Variants in WNK2 observed in about 807,000 individuals in gnomAD.
The protein encoded by WNK2 is serine/threonine-protein kinase WNK2.
A neutral mutation model predicts 192.1 loss-of-function variants in WNK2; 67 were observed. The observed-to-expected ratio is 0.35, with a 90% confidence interval of 0.29 to 0.43. The LOEUF (loss-of-function observed/expected upper bound fraction) is 0.43. Among genes scored for constraint, WNK2 ranks in the 20% least tolerant of loss-of-function variants. The pLI is 1.00. For missense variants in WNK2, 2,698 were observed against 3,089.7 expected, an observed-to-expected ratio of 0.87 and a Z score of 3.01; for synonymous variants, 1,439 against 1,393.9, an observed-to-expected ratio of 1.03 and a Z score of -0.72.
At chr9:93,188,844 A>G (rs986210365) in intron 2 of WNK2, among the ~76,000 whole-genome samples, 7 of 152,124 alleles carry the variant, frequency 4.6e-5, no homozygotes, top group Non-Finnish European at 8.8e-5. Flanking sequence ...AGGCCACAAT[A>G]CAGCAACGGG....
rs1178205761 is a variant in WNK2 at position 93,298,113 on chromosome 9, C to T, written c.5923+46C>T. 3.2e-6 allele frequency: 5 copies of T among 1,538,856 alleles called. No homozygotes were observed. The Admixed American group carries it at 5.9e-5, about 18-fold the overall frequency. The stretch of plus-strand genomic sequence containing the variant: ...CTGGGATGGGAGCGGGGCTGGGGAC[C>T]CCCGAGTGAGCCTGGGAGGTAGGCT... On this transcript the variant is annotated intron_variant, in intron 24 of 29. Coordinates refer to ENST00000427277, the MANE Select transcript of WNK2 (RefSeq NM_006648.4).
chr9:93,217,580 G>T (rs192574986), intron 2 of WNK2, among the ~76,000 whole-genome samples: 1 of 152,316 alleles, frequency 6.6e-6, no homozygotes, highest in African/African-American at 2.4e-5. Context: ...TGGGATTGGG[G>T]TGCAGATGTG....
rs765357256 is a variant in WNK2 at position 93,185,369 on chromosome 9, C to A, written c.440C>A (p.Ala147Glu). 13 of 1,574,176 alleles carry A rather than the reference C, an allele frequency of 8.3e-6. No individual in the cohort carries two copies. The South Asian group carries it at 1.4e-4, about 17-fold the overall frequency. Residue 147 changes from alanine to glutamate, a missense_variant, in exon 2 of 30, where the codon GCG becomes GAG. Transcript: ENST00000427277. ...CCCGACGGCGGCCCCAGGGAGGAGGCGGCGGCGACCGTGAGGAAGGAGGAT... is the reference window on the plus strand; with the variant it reads ...CCCGACGGCGGCCCCAGGGAGGAGGAGGCGGCGACCGTGAGGAAGGAGGAT... ...PAPDGGPREEAAATVRKEDEG... is the reference protein window; with the variant it reads ...PAPDGGPREEEAATVRKEDEG...
Position 93,229,791 on chromosome 9 carries a change from C to CT in WNK2, c.779dup (p.Trp261LeufsTer67). 1 of 1,613,992 alleles carries CT rather than the reference C, an allele frequency of 6.2e-7. No homozygotes were observed. Among genetic ancestry groups the CT allele is most frequent in the Non-Finnish European group, 8.5e-7 (1 of 1,179,890 alleles). On this transcript the variant is annotated frameshift_variant, in exon 3 of 30. Coordinates refer to ENST00000427277, the MANE Select transcript of WNK2 (RefSeq NM_006648.4). LOFTEE classifies it high-confidence loss of function. The surrounding 1 kb of genome is among the most constrained non-coding windows in gnomAD (Gnocchi z 4.9). ...ACCCCAACATCGTGCGCTTCTACGA[C>CT]TTCTGGGAGTCCAGCGCCAAGGGCA...
chr9:93,312,600 G>A (rs1321458188), intron 28 of WNK2, among the ~76,000 whole-genome samples: 2 of 151,988 alleles, frequency 1.3e-5, no homozygotes, highest in African/African-American at 4.8e-5. Context: ...GGATGGTCTC[G>A]ATCCCTTGAC....
At chr9:93,317,803 A>G (rs752176199) in intron 29 of WNK2, 172 bp downstream of exon 29, 5 of 1,487,596 alleles carry the variant, frequency 3.4e-6, no homozygotes, top group Non-Finnish European at 4.5e-6. Context: ...GTCTTCTTGC[A>G]GCCACCTGTG....
intron 2 of WNK2, among the ~76,000 whole-genome samples, chr9:93,192,187 A>C (rs2131006808): frequency 6.6e-6 from 1 of 151,736 alleles, no homozygotes; most frequent in Middle Eastern, 3.4e-3. Context: ...GGTGGCAGGC[A>C]CCTGTAGTCC....
At chr9:93,280,361 A>G (rs1588404936) in intron 19 of WNK2, among the ~76,000 whole-genome samples, 1 of 152,230 alleles carries the variant, frequency 6.6e-6, no homozygotes, top group African/African-American at 2.4e-5. Context: ...AAACTTTAAC[A>G]GATCATGTGT....
At chr9:93,308,130 C>A in intron 27 of WNK2, 198 bp from the exon 28 acceptor site, 1 of 1,145,152 alleles carries the variant, frequency 8.7e-7, no homozygotes, top group Non-Finnish European at 1.2e-6. Context: ...CCACCTGGCA[C>A]AGCCCATGGA....
intron 8 of WNK2, 35 bp from the exon 9 acceptor site, chr9:93,252,848 A>C: frequency 7.4e-7 from 1 of 1,359,904 alleles, no homozygotes; most frequent in East Asian, 3.0e-5. Context: ...ACATTTGGAG[A>C]TGTCCACTCT....
chr9:93,262,900 G>A (rs1844532391), intron 14 of WNK2, among the ~76,000 whole-genome samples, 181 bp downstream of exon 14: 1 of 152,252 alleles, frequency 6.6e-6, no homozygotes, highest in African/African-American at 2.4e-5. Flanking sequence ...GGTCTTGCCA[G>A]CTGTTGTTGG....
rs1841848870 is a variant in WNK2 at position 93,247,090 on chromosome 9, CT to C, written c.1543-452del. Among the ~76,000 whole-genome samples the C allele has an allele frequency of 6.6e-6, 1 of 152,232 alleles. No individual in the cohort carries two copies. The highest frequency in any genetic ancestry group is 6.5e-5 in the Admixed American group (1 of 15,282). On this transcript the variant is annotated intron_variant, in intron 7 of 29. Transcript: ENST00000427277. The surrounding 1 kb of genome is among the most constrained non-coding windows in gnomAD (Gnocchi z 5.2). ...CCTAATTACAAAACGCATGTCCTTC[CT>C]CCATCTGCAACTCGGGTGTGGCCCC...
intron 19 of WNK2, among the ~76,000 whole-genome samples, chr9:93,282,308 T>G (rs1588418006): frequency 6.6e-6 from 1 of 151,244 alleles, no homozygotes; most frequent in African/African-American, 2.4e-5. Flanking sequence ...AGGGGGCAGG[T>G]GGGGAAGGAA....
intron 29 of WNK2, chr9:93,318,954 A>C: frequency 1.4e-6 from 2 of 1,437,718 alleles, no homozygotes; most frequent in Non-Finnish European, 1.8e-6. Context: ...GTTCAAATCT[A>C]TTATTCCATC....
chr9:93,278,944 A>G (rs2133522544), intron 19 of WNK2, among the ~76,000 whole-genome samples: 2 of 152,380 alleles, frequency 1.3e-5, no homozygotes, highest in Admixed American at 1.3e-4. Flanking sequence ...AATTATAAAC[A>G]TCTTCAGAAG....
intron 2 of WNK2, among the ~76,000 whole-genome samples, chr9:93,203,038 T>TG (rs1161414835): frequency 6.9e-6 from 1 of 145,474 alleles, no homozygotes; most frequent in Non-Finnish European, 1.5e-5. Flanking sequence ...CAGTGGAGGA[T>TG]GGGGGGCATG....
intron 2 of WNK2, among the ~76,000 whole-genome samples, chr9:93,210,536 C>T (rs1013844561): frequency 6.6e-6 from 1 of 152,124 alleles, no homozygotes; most frequent in African/African-American, 2.4e-5. Flanking sequence ...CTGGGGCACT[C>T]AAGCCTGCCG....
rs1852956147 is a variant in WNK2 at position 93,308,181 on chromosome 9, A to C, written c.6260-147A>C. The C allele has an allele frequency of 2.8e-6, 4 of 1,422,820 alleles. No homozygotes were observed. In the Admixed American group the frequency reaches 1.1e-4, roughly 39 times the overall value. 88.1% of individuals were successfully genotyped at this position (1,422,820 alleles called of 1,614,324 possible). A position where few individuals can be genotyped will look rare whatever the true frequency, so the allele number is the denominator to read the frequency against. On this transcript the variant is annotated intron_variant, in intron 27 of 29. Transcript: ENST00000427277. ...CTGACCCTGGGCAGCCAGGCCCCTT[A>C]ATCCGACCGCCTCTTGAAGCAAGGT...
chr9:93,229,614 G>A lies in WNK2; in HGVS notation c.682-82G>A, dbSNP rs1035570450. The A allele has an allele frequency of 1.6e-5, 24 of 1,486,468 alleles. No individual in the cohort carries two copies. The highest frequency in any genetic ancestry group is 2.6e-5 in the South Asian group (2 of 76,406). The allele number at this position is 1,486,468 out of a possible 1,614,324, so 92.1% of individuals were successfully genotyped here. ...GTATGGGAAGGGCTGGTCCTACTGTGTGGCGCTGCTGGGATGTGACGCCAC... is the reference window on the plus strand; with the variant it reads ...GTATGGGAAGGGCTGGTCCTACTGTATGGCGCTGCTGGGATGTGACGCCAC... On this transcript the variant is annotated intron_variant, in intron 2 of 29. Transcript: ENST00000427277. The surrounding 1 kb of genome is among the most constrained non-coding windows in gnomAD (Gnocchi z 4.9).
Sources: allele counts gnomAD v4.1 joint callset (sites outside exome capture counted in the v4.1 genomes callset), GRCh38; gene constraint gnomAD v4.1.1; non-coding constraint Gnocchi (gnomAD v3.1); transcripts MANE v1.5; gene names NCBI Gene and HGNC (gene_info 2026-07-23, HGNC 2026-07-21).